Variants in ROCK2 observed in about 807,000 individuals in gnomAD.
ROCK2 encodes the protein Rho associated coiled-coil containing protein kinase 2, also known as rho-associated protein kinase 2.
In ROCK2, 61 loss-of-function variants were observed where a neutral mutation model predicts 195.1. The observed-to-expected ratio is 0.31, with a 90% CI of 0.25 to 0.39. The LOEUF (loss-of-function observed/expected upper bound fraction) is 0.39. ROCK2 is among the 10% of genes least tolerant of loss of function. ROCK2 has a pLI of 1.00. For missense variants in ROCK2, 1,109 were observed against 1,637.4 expected (o/e 0.68, Z 5.57); for synonymous variants, 504 against 545.5 (o/e 0.92, Z 1.06).
rs1665168729 is a variant in ROCK2, at chr2:11,235,442, T to A, written c.723+260A>T. Reference sequence around the variant, plus strand: ...CCGGTTTTGATTGGTAGCAAATGCTTGTCAACAGTCTATGAGGAAGATAAC... The same window carrying A: ...CCGGTTTTGATTGGTAGCAAATGCTAGTCAACAGTCTATGAGGAAGATAAC... On this transcript the variant is annotated intron_variant, in intron 5 of 32. Transcript: ENST00000315872. The surrounding 1 kb of genome is among the most constrained non-coding windows in gnomAD (Gnocchi z 4.2). Among the ~76,000 whole-genome samples, 1 of 152,188 alleles carries A rather than the reference T, an allele frequency of 6.6e-6. No homozygotes were observed. The highest frequency in any genetic ancestry group is 1.5e-5 in the Non-Finnish European group (1 of 68,010).
chr2:11,221,863 G>A (rs936197691), intron 8 of ROCK2, among the ~76,000 whole-genome samples: 7 of 152,136 alleles, frequency 4.6e-5, no homozygotes, highest in African/African-American at 1.7e-4. Context: ...AATGTGTAAT[G>A]TTTATTGTAA....
intron 1 of ROCK2, among the ~76,000 whole-genome samples, chr2:11,298,469 CAAAAAAAAAAAA>C (rs771356019): frequency 8.9e-5 from 4 of 45,038 alleles, no homozygotes; most frequent in Non-Finnish European, 1.4e-4. Context: ...GACTCCATCT[CAAAAAAAAAAAA>C]AAAAAAAAAA....
chr2:11,224,275 A>C (rs370936490), intron 7 of ROCK2, 47 bp downstream of exon 7: 145 of 1,517,582 alleles, frequency 9.6e-5, no homozygotes, highest in Non-Finnish European at 1.2e-4. Context: ...TATTTCTATA[A>C]ATTTAACATA....
chr2:11,244,161 T>C (rs897913716), intron 4 of ROCK2, among the ~76,000 whole-genome samples: 5 of 152,204 alleles, frequency 3.3e-5, no homozygotes, highest in African/African-American at 9.7e-5. Context: ...TTAGTAGACC[T>C]GTATTTTTAA....
chr2:11,276,333 C>T (rs1299661351), intron 3 of ROCK2, among the ~76,000 whole-genome samples: 1 of 152,132 alleles, frequency 6.6e-6, no homozygotes, highest in African/African-American at 2.4e-5. Context: ...GGCAAAATTG[C>T]GGCATACAAA....
intron 20 of ROCK2, among the ~76,000 whole-genome samples, chr2:11,202,375 T>C (rs1489468454): frequency 1.3e-5 from 2 of 152,152 alleles, no homozygotes; most frequent in Non-Finnish European, 2.9e-5. Flanking sequence ...AATAACGTGT[T>C]TGTGTGTTCC....
In ROCK2 at chr2:11,227,278, C is replaced by T; in HGVS notation, c.844G>A (p.Val282Ile). ...CCCACTAGCATCTCATAAAGGAAAA[C>T]ACCTACAGACCACCAATCACATTCT... ...GRECDWWSVG[V>I]FLYEMLVGDT... The change falls in exon 6 of 33, where the codon GTT becomes ATT. Residue 282 changes from valine (V) to isoleucine (I), a missense_variant. Val to Ile is a conservative substitution (Grantham distance 29). This residue lies in a region of ROCK2 where 253 missense variants were observed against 455.5 expected (regional missense o/e 0.56). Coordinates refer to ENST00000315872, the MANE Select transcript of ROCK2 (RefSeq NM_004850.5). 1 of 1,612,924 alleles carries T rather than the reference C, an allele frequency of 6.2e-7. No homozygotes were observed. Among genetic ancestry groups the T allele is most frequent in the Non-Finnish European group, 8.5e-7 (1 of 1,179,308 alleles).
chr2:11,315,553 A>T (rs893402966), intron 1 of ROCK2, among the ~76,000 whole-genome samples: 1 of 152,098 alleles, frequency 6.6e-6, no homozygotes, highest in African/African-American at 2.4e-5. Flanking sequence ...TCTGTAATAC[A>T]TCTGTTACTC....
chr2:11,218,610 T>C, intron 10 of ROCK2, 144 bp from the exon 11 acceptor site: 1 of 582,576 alleles, frequency 1.7e-6, no homozygotes, highest in South Asian at 2.6e-5. Context: ...TTTAGCATCA[T>C]CATTTATGTG....
intron 3 of ROCK2, among the ~76,000 whole-genome samples, chr2:11,273,304 T>C (rs995034268): frequency 1.3e-5 from 2 of 151,920 alleles, no homozygotes; most frequent in African/African-American, 4.8e-5. Flanking sequence ...CACAAACTGA[T>C]TGATAGTGGA....
At chr2:11,311,018 A>G (rs1668017271) in intron 1 of ROCK2, among the ~76,000 whole-genome samples, 1 of 151,664 alleles carries the variant, frequency 6.6e-6, no homozygotes, top group African/African-American at 2.4e-5. Context: ...TATAGATGAC[A>G]TTCTGATCTC....
At chr2:11,333,678 CTTAA>C (rs1004137217) in intron 1 of ROCK2, among the ~76,000 whole-genome samples, 1 of 152,032 alleles carries the variant, frequency 6.6e-6, no homozygotes, top group Non-Finnish European at 1.5e-5. Flanking sequence ...TGCCCTTTAA[CTTAA>C]TTTTTAGTAC....
At chr2:11,262,374 T>C (rs1427086967) in intron 3 of ROCK2, among the ~76,000 whole-genome samples, 2 of 152,004 alleles carry the variant, frequency 1.3e-5, no homozygotes, top group Non-Finnish European at 2.9e-5. Context: ...ATGTAGAGCT[T>C]AAAAAAAACT....
At chr2:11,332,521 AAACAGTGGCC>A (rs1380455832) in intron 1 of ROCK2, among the ~76,000 whole-genome samples, 1 of 152,226 alleles carries the variant, frequency 6.6e-6, no homozygotes, top group Non-Finnish European at 1.5e-5. Context: ...CACGCACATA[AAACAGTGGCC>A]AACATCATTT....
chr2:11,193,920 T>C (rs1663529391), intron 29 of ROCK2, 63 bp from the exon 30 acceptor site: 1 of 869,644 alleles, frequency 1.1e-6, no homozygotes, highest in South Asian at 1.6e-5. Flanking sequence ...ATATTAATTA[T>C]TCTATACTTA....
rs1181976673 is a variant in ROCK2 at position 11,243,971 on chromosome 2, A to G, written c.462+5690T>C. Among the ~76,000 whole-genome samples the G allele has an allele frequency of 4.6e-5, 7 of 152,188 alleles. No homozygotes were observed. In the South Asian group the frequency reaches 1.2e-3, roughly 27 times the overall value. ...TTAAAAAACAATCATACGTTAGTGGATAATTATAGTACGTGGCAATACCTA... is the reference window on the plus strand; with the variant it reads ...TTAAAAAACAATCATACGTTAGTGGGTAATTATAGTACGTGGCAATACCTA... On this transcript the variant is annotated intron_variant, in intron 4 of 32. Coordinates refer to ENST00000315872, the MANE Select transcript of ROCK2 (RefSeq NM_004850.5).
At chr2:11,245,579 T>C (rs1179406872) in intron 4 of ROCK2, among the ~76,000 whole-genome samples, 1 of 152,090 alleles carries the variant, frequency 6.6e-6, no homozygotes, top group Non-Finnish European at 1.5e-5. Flanking sequence ...GCAATCCCAA[T>C]GCTAGGAATC....
chr2:11,196,353 T>C (rs1345974464), intron 27 of ROCK2, among the ~76,000 whole-genome samples: 2 of 152,202 alleles, frequency 1.3e-5, no homozygotes, highest in Admixed American at 1.3e-4. Context: ...GAAGTACTTT[T>C]TCTGTACCAC....
At chr2:11,342,793 A>C (rs1669146929) in intron 1 of ROCK2, among the ~76,000 whole-genome samples, 1 of 152,234 alleles carries the variant, frequency 6.6e-6, no homozygotes, top group South Asian at 2.1e-4. Context: ...AATATAGCAC[A>C]TCATTCATTA....
Sources: gnomAD v4.1 joint callset for allele counts (sites outside exome capture counted in the v4.1 genomes callset) on GRCh38, gnomAD v4.1.1 for gene constraint, gnomAD v4.1.1 regional missense constraint, Gnocchi (gnomAD v3.1) non-coding constraint, MANE v1.5 for transcripts, NCBI Gene and HGNC (gene_info 2026-07-23, HGNC 2026-07-21) for gene names.